Variants in PLCB1 observed in about 807,000 individuals in gnomAD.
PLCB1 encodes phospholipase C beta 1.
Under a neutral mutation model 161.8 loss-of-function variants are expected in PLCB1, and 46 were observed. That is an observed-to-expected ratio of 0.28 (90% CI 0.22 to 0.36). PLCB1 has a LOEUF of 0.36. Ranked by LOEUF, PLCB1 falls within the 10% of genes least tolerant of loss-of-function variation. The pLI is 1.00. For missense variants in PLCB1, 1,016 were observed against 1,472.5 expected (o/e 0.69, Z 5.07); for synonymous variants, 517 against 503.7 (o/e 1.03, Z -0.35).
intron 2 of PLCB1, among the ~76,000 whole-genome samples, chr20:8,189,557 G>A (rs2051943496): frequency 6.6e-6 from 1 of 151,874 alleles, no homozygotes; most frequent in African/African-American, 2.4e-5. Context: ...TGAAATGTAG[G>A]CGGCGACACT....
intron 2 of PLCB1, among the ~76,000 whole-genome samples, chr20:8,215,592 C>T (rs1483246191): frequency 2.0e-5 from 3 of 152,020 alleles, no homozygotes; most frequent in Non-Finnish European, 4.4e-5. Context: ...GTTTGGAATT[C>T]TCTCACAACA....
chr20:8,563,599 A>G (rs1005588907), intron 3 of PLCB1, among the ~76,000 whole-genome samples: 2 of 152,166 alleles, frequency 1.3e-5, no homozygotes, highest in African/African-American at 4.8e-5. Context: ...AGAAAACTCT[A>G]TTGTCTCAGC....
intron 11 of PLCB1, among the ~76,000 whole-genome samples, chr20:8,704,840 C>T (rs1358662826): frequency 1.3e-5 from 2 of 152,094 alleles, no homozygotes; most frequent in Admixed American, 6.6e-5. Context: ...GACCTAATGG[C>T]ACAATATCAG....
intron 3 of PLCB1, among the ~76,000 whole-genome samples, chr20:8,406,109 G>A (rs912110141): frequency 6.6e-6 from 1 of 151,714 alleles, no homozygotes; most frequent in Admixed American, 6.6e-5. Flanking sequence ...AGTCATTCCT[G>A]CATTTTATAG....
intron 3 of PLCB1, among the ~76,000 whole-genome samples, chr20:8,446,657 C>T (rs983590307): frequency 6.6e-6 from 1 of 152,062 alleles, no homozygotes; most frequent in African/African-American, 2.4e-5. Flanking sequence ...TTTCGAAAAC[C>T]CAATCGTCTC....
At chr20:8,435,591 G>A (rs1230727154) in intron 3 of PLCB1, among the ~76,000 whole-genome samples, 2 of 152,084 alleles carry the variant, frequency 1.3e-5, no homozygotes, top group Non-Finnish European at 2.9e-5. Context: ...AGCAGCCTCT[G>A]GTATCCAAGG....
intron 3 of PLCB1, among the ~76,000 whole-genome samples, chr20:8,446,315 C>T (rs227139): frequency 0.65 from 98,838 of 151,972 alleles, 32,349 homozygotes; most frequent in East Asian, 0.71. Context: ...AACCACATGA[C>T]TATCTCAATA....
intron 18 of PLCB1, chr20:8,732,065 G>A (rs997899661): frequency 2.6e-5 from 4 of 151,968 alleles, no homozygotes; most frequent in African/African-American, 9.7e-5. Context: ...CACTCTATCA[G>A]TTGCAATATG....
At chr20:8,689,682 A>G (rs1367160804) in intron 10 of PLCB1, among the ~76,000 whole-genome samples, 1 of 152,178 alleles carries the variant, frequency 6.6e-6, no homozygotes, top group Non-Finnish European at 1.5e-5. Context: ...AAATTTGTGT[A>G]TGCAGTTTTT....
intron 3 of PLCB1, among the ~76,000 whole-genome samples, chr20:8,508,720 AG>A (rs1983749556): frequency 6.6e-6 from 1 of 152,206 alleles, no homozygotes; most frequent in Admixed American, 6.5e-5. Flanking sequence ...ACTTCCACGT[AG>A]AATGCAATGA....
intron 4 of PLCB1, among the ~76,000 whole-genome samples, chr20:8,631,184 C>A (rs1387573138): frequency 1.3e-5 from 2 of 152,204 alleles, no homozygotes; most frequent in East Asian, 3.9e-4. Flanking sequence ...CCAGCCCCAG[C>A]AGGTCTGGGA....
rs762517807 is a variant in PLCB1, at chr20:8,735,337, G to A, written c.2044-1691G>A. On this transcript the variant is annotated intron_variant, in intron 19 of 31. Transcript: ENST00000338037. ...GAGGCAGGAAAGTACATTGAGTTGT[G>A]AAGGGGAAATAGTTGATCCCCAGAC... Among the ~76,000 whole-genome samples, 7 of 152,184 alleles carry A rather than the reference G, an allele frequency of 4.6e-5. No individual in the cohort carries two copies. The South Asian group carries it at 1.4e-3, about 32-fold the overall frequency.
At chr20:8,531,903 G>T (rs188610796) in intron 3 of PLCB1, among the ~76,000 whole-genome samples, 23 of 146,452 alleles carry the variant, frequency 1.6e-4, no homozygotes, top group African/African-American at 4.8e-4. Flanking sequence ...TCATAAATTT[G>T]GTTTAATTTC....
At chr20:8,321,814 T>C (rs1332295073) in intron 2 of PLCB1, among the ~76,000 whole-genome samples, 1 of 152,208 alleles carries the variant, frequency 6.6e-6, no homozygotes, top group Non-Finnish European at 1.5e-5. Flanking sequence ...TTGGTCATCA[T>C]AGCCGACATG....
intron 3 of PLCB1, among the ~76,000 whole-genome samples, chr20:8,552,799 C>A (rs964606284): frequency 6.6e-6 from 1 of 152,040 alleles, no homozygotes; most frequent in Non-Finnish European, 1.5e-5. Flanking sequence ...ATGTTTAGAC[C>A]CCTAGACATC....
At chr20:8,312,259 A>G (rs1984437219) in intron 2 of PLCB1, among the ~76,000 whole-genome samples, 2 of 152,018 alleles carry the variant, frequency 1.3e-5, no homozygotes, top group Non-Finnish European at 2.9e-5. Context: ...CCGCTTCTCA[A>G]GCGCGCATAC....
At chr20:8,135,840 G>T (rs570073560) in intron 1 of PLCB1, among the ~76,000 whole-genome samples, 4 of 152,290 alleles carry the variant, frequency 2.6e-5, no homozygotes, top group Middle Eastern at 3.4e-3. Flanking sequence ...TGGGTGTAAA[G>T]GACTATGGGT....
chr20:8,844,321 G>A (rs907266684), intron 31 of PLCB1, among the ~76,000 whole-genome samples: 3 of 152,140 alleles, frequency 2.0e-5, no homozygotes, highest in African/African-American at 7.2e-5. Context: ...AATAGATAAG[G>A]TAGCCTGTAA....
At chr20:8,575,048 C>T (rs1281320308) in intron 3 of PLCB1, among the ~76,000 whole-genome samples, 1 of 152,182 alleles carries the variant, frequency 6.6e-6, no homozygotes, top group African/African-American at 2.4e-5. Flanking sequence ...CCTCCAATTC[C>T]CCCTTAGGAA....
Sources: allele counts gnomAD v4.1 joint callset (sites outside exome capture counted in the v4.1 genomes callset), GRCh38; gene constraint gnomAD v4.1.1; transcripts MANE v1.5; gene names NCBI Gene and HGNC (gene_info 2026-07-23, HGNC 2026-07-21).